ASB3: variants seen among roughly 807,000 people sequenced by gnomAD.
ASB3 encodes ankyrin repeat and SOCS box containing 3, also known as ankyrin repeat and SOCS box protein 3.
ASB3 carries 41 observed loss-of-function variants against 54.5 expected under a neutral mutation model. The observed-to-expected ratio is 0.75, with a 90% CI of 0.59 to 0.98. The LOEUF is 0.98. Among genes scored for constraint, ASB3 ranks in the 50% least tolerant of loss-of-function variants. ASB3 has a pLI of 0.00. For missense variants in ASB3, 733 were observed against 620.0 expected (o/e 1.18, Z -1.94); for synonymous variants, 266 against 221.2 (o/e 1.20, Z -1.80).
intron 5 of ASB3, among the ~76,000 whole-genome samples, chr2:53,726,259 T>C (rs1361891586): frequency 7.1e-6 from 1 of 140,586 alleles, no homozygotes; most frequent in East Asian, 2.0e-4. Flanking sequence ...TAATCTAAAT[T>C]TTTTTTTTTT....
chr2:53,697,244 T>C (rs1304008442), intron 8 of ASB3, among the ~76,000 whole-genome samples: 1 of 152,184 alleles, frequency 6.6e-6, no homozygotes, highest in Non-Finnish European at 1.5e-5. Flanking sequence ...CCCTATAGTA[T>C]AAAAAGGGGG....
At chr2:53,779,059 G>A (rs923002160) in intron 1 of ASB3, among the ~76,000 whole-genome samples, 1 of 152,122 alleles carries the variant, frequency 6.6e-6, no homozygotes, top group African/African-American at 2.4e-5. Flanking sequence ...TCTTTCATCT[G>A]TTTGATAGTA....
intron 5 of ASB3, among the ~76,000 whole-genome samples, chr2:53,724,825 C>T (rs1670903417): frequency 6.6e-6 from 1 of 152,118 alleles, no homozygotes; most frequent in South Asian, 2.1e-4. Flanking sequence ...AACGCTTATA[C>T]ATTCTTGGTG....
chr2:53,711,006 C>T (rs1030524916), intron 7 of ASB3, among the ~76,000 whole-genome samples: 14 of 151,894 alleles, frequency 9.2e-5, no homozygotes, highest in African/African-American at 2.4e-4. Context: ...GGCGCACAAC[C>T]GTAGTCCCAG....
At chr2:53,753,101 A>G (rs866375650) in intron 2 of ASB3, among the ~76,000 whole-genome samples, 4 of 152,302 alleles carry the variant, frequency 2.6e-5, no homozygotes, top group Middle Eastern at 6.8e-3. Context: ...GATAGCATGC[A>G]GACTGTGACA....
intron 9 of ASB3, among the ~76,000 whole-genome samples, chr2:53,688,908 A>G (rs755648553): frequency 1.4e-4 from 21 of 152,226 alleles, no homozygotes; most frequent in Non-Finnish European, 2.6e-4. Flanking sequence ...CGTCCTGCAC[A>G]TGTATCCCAG....
At chr2:53,714,131 T>A (rs111368391) in intron 7 of ASB3, among the ~76,000 whole-genome samples, 1,527 of 152,252 alleles carry the variant, frequency 0.01, 26 homozygotes, top group African/African-American at 0.035. Flanking sequence ...ACTTAAATTG[T>A]ACGTATTCCC....
rs550408309 is a variant in ASB3, at chr2:53,734,819, T to C, written c.356-5249A>G. On this transcript the variant is annotated intron_variant, in intron 3 of 9. Coordinates refer to ENST00000263634, the MANE Select transcript of ASB3 (RefSeq NM_016115.5). Reference sequence around the variant, plus strand: ...ACTTTCTCTAACAACTCATTCTTCTTAGTTTAGTTGTTCTATCCTACTATT... The same window carrying C: ...ACTTTCTCTAACAACTCATTCTTCTCAGTTTAGTTGTTCTATCCTACTATT... Among the ~76,000 whole-genome samples the C allele has an allele frequency of 1.8e-4, 27 of 152,310 alleles. No homozygotes were observed. In the South Asian group the frequency reaches 5.6e-3, roughly 32 times the overall value.
intron 9 of ASB3, among the ~76,000 whole-genome samples, chr2:53,677,987 T>A (rs1027724897): frequency 3.9e-5 from 6 of 152,230 alleles, no homozygotes; most frequent in Admixed American, 3.9e-4. Flanking sequence ...TAGCTCTTTT[T>A]AGCTTTTTAA....
At chr2:53,785,722 C>T (rs1480732268) in intron 1 of ASB3, among the ~76,000 whole-genome samples, 1 of 152,148 alleles carries the variant, frequency 6.6e-6, no homozygotes, top group Non-Finnish European at 1.5e-5. Context: ...CGCCTGTAAT[C>T]CCAACTACTC....
chr2:53,726,427 A>AT (rs1374487544), intron 5 of ASB3, among the ~76,000 whole-genome samples: 1 of 150,614 alleles, frequency 6.6e-6, no homozygotes, highest in East Asian at 2.0e-4. Flanking sequence ...TGCCTGGCTA[A>AT]TTTTTTGTAT....
chr2:53,768,667 A>G (rs1229526432), intron 1 of ASB3, among the ~76,000 whole-genome samples: 1 of 152,234 alleles, frequency 6.6e-6, no homozygotes, highest in Non-Finnish European at 1.5e-5. Flanking sequence ...ACTCATTACT[A>G]TATCCAGCAT....
intron 7 of ASB3, among the ~76,000 whole-genome samples, chr2:53,713,161 T>G (rs765323545): frequency 2.0e-5 from 3 of 152,132 alleles, no homozygotes; most frequent in Admixed American, 2.0e-4. Flanking sequence ...TGAAACCCTA[T>G]CTCTACTAAA....
intron 3 of ASB3, among the ~76,000 whole-genome samples, chr2:53,746,317 T>G (rs1672219308): frequency 6.6e-6 from 1 of 151,882 alleles, no homozygotes; most frequent in Non-Finnish European, 1.5e-5. Context: ...AAGGTAAAGG[T>G]GAGCAAGGCA....
At chr2:53,773,445 T>C (rs989960724) in intron 1 of ASB3, among the ~76,000 whole-genome samples, 1 of 152,084 alleles carries the variant, frequency 6.6e-6, no homozygotes, top group Non-Finnish European at 1.5e-5. Context: ...TATTTTTTAT[T>C]TTTTTGAGAC....
chr2:53,686,390 T>A (rs973740924), intron 9 of ASB3, among the ~76,000 whole-genome samples: 9 of 152,166 alleles, frequency 5.9e-5, no homozygotes, highest in Admixed American at 1.3e-4. Flanking sequence ...AACACCCTCC[T>A]CAGAGCCACG....
chr2:53,745,233 G>C (rs1672160478), intron 3 of ASB3, among the ~76,000 whole-genome samples: 1 of 152,190 alleles, frequency 6.6e-6, no homozygotes. Context: ...GGAAGGGAAA[G>C]AGAGCAGGGG....
chr2:53,771,717 A>G (rs1215381725), intron 1 of ASB3, among the ~76,000 whole-genome samples: 1 of 152,166 alleles, frequency 6.6e-6, no homozygotes, highest in Admixed American at 6.5e-5. Context: ...AAAGGCCAAC[A>G]CAGTCTCTAG....
intron 1 of ASB3, chr2:53,768,260 A>AGTCTCTAGAGCTGT: frequency 2.1e-6 from 1 of 473,392 alleles, no homozygotes; most frequent in Non-Finnish European, 3.7e-6. Context: ...GACGGCGAGA[A>AGTCTCTAGAGCTGT]GCGCGGGCAC....
Sources: allele counts gnomAD v4.1 joint callset (sites outside exome capture counted in the v4.1 genomes callset), GRCh38; gene constraint gnomAD v4.1.1; transcripts MANE v1.5; gene names NCBI Gene and HGNC (gene_info 2026-07-23, HGNC 2026-07-21).